The following PPHLN1 variants were observed in gnomAD, a reference collection of about 807,000 sequenced individuals.
PPHLN1 encodes periphilin-1.
A neutral mutation model predicts 51.3 loss-of-function variants in PPHLN1; 29 were observed. That is an observed-to-expected ratio of 0.57 (90% confidence interval 0.42 to 0.77). The LOEUF is 0.77. PPHLN1 is among the 30% of genes least tolerant of loss of function. The pLI is 0.00. For synonymous variants in PPHLN1, 147 were observed against 147.8 expected (o/e 0.99, Z 0.04); for missense variants, 436 against 438.4 (o/e 0.99, Z 0.05).
At chr12:42,387,434 C>T in intron 6 of PPHLN1, 22 bp from the exon 7 acceptor site, 1 of 1,571,804 alleles carries the variant, frequency 6.4e-7, no homozygotes. Context: ...AAAAAAATTA[C>T]ATCTTATGTT....
At chr12:42,366,973 T>C (rs1327660220) in intron 4 of PPHLN1, among the ~76,000 whole-genome samples, 1 of 152,222 alleles carries the variant, frequency 6.6e-6, no homozygotes, top group African/African-American at 2.4e-5. Flanking sequence ...TTTCTCTCTC[T>C]GTACACAGCC....
At chr12:42,446,118 T>C (rs761429842), downstream of PPHLN1, 10 of 1,559,868 alleles carry the variant, frequency 6.4e-6, no homozygotes. Context: ...AAGAAACGGG[T>C]TCGTCGGACG....
At chr12:42,401,766 TCATC>T (rs2078864229) in intron 9 of PPHLN1, among the ~76,000 whole-genome samples, 1 of 152,222 alleles carries the variant, frequency 6.6e-6, no homozygotes, top group Admixed American at 6.5e-5. Context: ...GATTATATAT[TCATC>T]AGGTAATTTA....
chr12:42,335,689 T>TTG (rs1388605247), intron 1 of PPHLN1, among the ~76,000 whole-genome samples, 194 bp from the exon 2 acceptor site: 382 of 138,006 alleles, frequency 2.8e-3, no homozygotes, highest in Non-Finnish European at 4.5e-3. Flanking sequence ...CTTTCCGTGT[T>TTG]TTTTTTTTTT....
intron 5 of PPHLN1, among the ~76,000 whole-genome samples, chr12:42,376,123 C>G (rs994896837): frequency 6.6e-6 from 1 of 152,180 alleles, no homozygotes; most frequent in African/African-American, 2.4e-5. Context: ...ACATTGGGCT[C>G]AGCCTTATTT....
intron 7 of PPHLN1, among the ~76,000 whole-genome samples, chr12:42,390,595 A>G (rs564645540): frequency 2.4e-4 from 37 of 151,946 alleles, no homozygotes; most frequent in Admixed American, 1.3e-4. Context: ...TCTACATGCA[A>G]CTGTGGCCCA....
chr12:42,345,597 A>G (rs994932519), intron 2 of PPHLN1, among the ~76,000 whole-genome samples: 1 of 150,886 alleles, frequency 6.6e-6, no homozygotes, highest in Admixed American at 6.6e-5. Flanking sequence ...GGATACTTAT[A>G]TAATCATTAA....
intron 9 of PPHLN1, among the ~76,000 whole-genome samples, chr12:42,438,542 G>A (rs2082671942): frequency 1.3e-5 from 2 of 152,092 alleles, no homozygotes; most frequent in African/African-American, 4.8e-5. Flanking sequence ...TTGGTGAGGT[G>A]TCATTCAGTT....
At chr12:42,367,328 G>A (rs990492727) in intron 4 of PPHLN1, among the ~76,000 whole-genome samples, 3 of 152,104 alleles carry the variant, frequency 2.0e-5, no homozygotes, top group Non-Finnish European at 4.4e-5. Context: ...TTACAAAACA[G>A]TTGAGTCCTA....
At chr12:42,408,709 A>G (rs1373820358) in intron 9 of PPHLN1, among the ~76,000 whole-genome samples, 2 of 152,186 alleles carry the variant, frequency 1.3e-5, no homozygotes, top group African/African-American at 4.8e-5. Flanking sequence ...GTTAGAATGA[A>G]GTGAGTATGT....
At chr12:42,411,485 G>A (rs2079821979) in intron 9 of PPHLN1, among the ~76,000 whole-genome samples, 1 of 152,126 alleles carries the variant, frequency 6.6e-6, no homozygotes, top group Non-Finnish European at 1.5e-5. Flanking sequence ...GAGACTGAAC[G>A]AAGGGACGAA....
chr12:42,432,626 C>T (rs565834179), intron 9 of PPHLN1, among the ~76,000 whole-genome samples: 1 of 152,272 alleles, frequency 6.6e-6, no homozygotes. Context: ...TTTTACAGCA[C>T]CAGCACTCTC....
At chr12:42,332,628 A>C (rs1055045217) in intron 1 of PPHLN1, 1 of 1,523,076 alleles carries the variant, frequency 6.6e-7, no homozygotes, top group African/African-American at 1.4e-5. Flanking sequence ...TACAGACACA[A>C]ATCTTTACGT....
intron 2 of PPHLN1, among the ~76,000 whole-genome samples, chr12:42,340,177 G>T: frequency 1.3e-5 from 2 of 151,640 alleles, no homozygotes; most frequent in African/African-American, 4.8e-5. Context: ...GCATAGTAGC[G>T]CATGCCTGTA....
At chr12:42,355,702 G>C (rs1362944896) in intron 4 of PPHLN1, 1 of 150,922 alleles carries the variant, frequency 6.6e-6, no homozygotes, top group Non-Finnish European at 1.5e-5. Flanking sequence ...AGTGAGCTGA[G>C]ATCGTGCAGC....
intron 9 of PPHLN1, among the ~76,000 whole-genome samples, chr12:42,420,532 A>T (rs1592899330): frequency 2.0e-5 from 3 of 150,766 alleles, no homozygotes; most frequent in African/African-American, 7.3e-5. Flanking sequence ...GTGCGGTGGC[A>T]CCATCTCAGC....
At chr12:42,404,528 T>TCAA (rs143140913) in intron 9 of PPHLN1, among the ~76,000 whole-genome samples, 3,522 of 150,986 alleles carry the variant, frequency 0.023, 57 homozygotes, top group Non-Finnish European at 0.031. Flanking sequence ...AAACTCCGTC[T>TCAA]CAACAACAAC....
chr12:42,326,656 G>T (rs555124703), intron 1 of PPHLN1, among the ~76,000 whole-genome samples: 1 of 152,142 alleles, frequency 6.6e-6, no homozygotes, highest in South Asian at 2.1e-4. Flanking sequence ...CTTGGGGAGA[G>T]TTGGATTCAC....
chr12:42,411,581 T>C (rs2708078), intron 9 of PPHLN1, among the ~76,000 whole-genome samples: 76,125 of 151,948 alleles, frequency 0.5, 19,348 homozygotes, highest in Admixed American at 0.56. Context: ...ATTGCATCCA[T>C]CACCAAGCAG....
Sources: gnomAD v4.1 joint callset for allele counts (sites outside exome capture counted in the v4.1 genomes callset) on GRCh38, gnomAD v4.1.1 for gene constraint, MANE v1.5 for transcripts, NCBI Gene and HGNC (gene_info 2026-07-23, HGNC 2026-07-21) for gene names.